The following STRN variants were observed in gnomAD, a reference collection of about 807,000 sequenced individuals.
STRN encodes protein phosphatase 2 regulatory subunit B'''alpha.
STRN carries 53 observed loss-of-function variants against 96.3 expected under a neutral mutation model. The ratio of observed to expected loss-of-function variants is 0.55; its 90% CI spans 0.44 to 0.69. STRN has a LOEUF of 0.69. STRN is among the 30% of genes least tolerant of loss of function. The probability of loss-of-function intolerance (pLI) is 0.00; values close to 1 mark genes in which losing one functional copy is unlikely to be tolerated. For missense variants in STRN, 987 were observed against 963.9 expected (o/e 1.02, Z -0.32); for synonymous variants, 428 against 355.9 (o/e 1.20, Z -2.28).
chr2:36,957,787 G>C (rs868416526), intron 1 of STRN, among the ~76,000 whole-genome samples: 5 of 95,368 alleles, frequency 5.2e-5, no homozygotes, highest in Middle Eastern at 0.014. Flanking sequence ...TGGAGTCTCT[G>C]TTGCCCAGGC....
chr2:36,861,829 T>C (rs996855762), intron 12 of STRN, among the ~76,000 whole-genome samples: 2 of 152,008 alleles, frequency 1.3e-5, no homozygotes, highest in Admixed American at 6.6e-5. Flanking sequence ...TATAGATAAA[T>C]TGCATGCCTT....
intron 10 of STRN, among the ~76,000 whole-genome samples, 195 bp downstream of exon 10, chr2:36,877,696 T>A (rs1668950266): frequency 6.6e-6 from 1 of 152,188 alleles, no homozygotes; most frequent in African/African-American, 2.4e-5. Flanking sequence ...CCGCCATGCC[T>A]GGCTAATTTT....
At position 36,957,746 on chromosome 2, in the gene STRN, T is replaced by TTG. The variant is rs1558669962; in HGVS notation, c.234+8483_234+8484insCA. ...AGTCTCATAGTTCTTCTTTTTGTCT[T>TTG]TTTTTTTTTTTTTTTTTTTTTTTTT... is the stretch of plus-strand genomic sequence containing the variant. On this transcript the variant is annotated intron_variant, in intron 1 of 17. Coordinates refer to ENST00000263918, the MANE Select transcript of STRN (RefSeq NM_003162.4). 7.1e-5 allele frequency among the ~76,000 whole-genome samples: 5 copies of TTG among 70,636 alleles called. No homozygotes were observed. The South Asian group carries it at 2.4e-3, about 34-fold the overall frequency. The allele number at this position is 70,636 out of a possible 152,430, so 46.3% of individuals were successfully genotyped here. A position where few individuals can be genotyped will look rare whatever the true frequency, so the allele number is the denominator to read the frequency against.
chr2:36,884,196 C>G, intron 8 of STRN, 121 bp from the exon 9 acceptor site: 1 of 842,298 alleles, frequency 1.2e-6, no homozygotes, highest in Non-Finnish European at 1.6e-6. Context: ...TAAAAATATT[C>G]TACTAGATTA....
At chr2:36,860,792 G>A (rs1195152420) in intron 13 of STRN, among the ~76,000 whole-genome samples, 1 of 152,080 alleles carries the variant, frequency 6.6e-6, no homozygotes, top group Non-Finnish European at 1.5e-5. Context: ...TGTTTGACAA[G>A]AATAATGATG....
At chr2:36,939,696 T>A (rs966391365) in intron 1 of STRN, among the ~76,000 whole-genome samples, 1 of 152,160 alleles carries the variant, frequency 6.6e-6, no homozygotes, top group Non-Finnish European at 1.5e-5. Context: ...ATCTAGTCTT[T>A]TTAAAGTTCA....
At position 36,848,314 on chromosome 2, in the gene STRN, T is replaced by C. The variant is rs532361570; in HGVS notation, c.*1142A>G. ...GGTTTCCAGGAGATTCTTACAGGGA[T>C]TAATAGAGGACTTCTAGGGTACAAA... On this transcript the variant is annotated 3_prime_UTR_variant, in exon 18 of 18. Coordinates refer to ENST00000263918, the MANE Select transcript of STRN (RefSeq NM_003162.4). 1.3e-5 allele frequency: 2 copies of C among 152,234 alleles called. No homozygotes were observed. Among genetic ancestry groups the C allele is most frequent in the Non-Finnish European group, 2.9e-5 (2 of 68,042 alleles). The allele number at this position is 152,234 out of a possible 1,614,324, so 9.4% of individuals were successfully genotyped here. A position where few individuals can be genotyped will look rare whatever the true frequency, so the allele number is the denominator to read the frequency against.
In STRN at chr2:36,902,725, T is replaced by C. The variant is rs373215619; in HGVS notation, c.518A>G (p.Asp173Gly). 61 of 1,610,544 alleles carry C rather than the reference T, an allele frequency of 3.8e-5. No individual in the cohort carries two copies. The highest frequency in any genetic ancestry group is 5.2e-5 in the Non-Finnish European group (61 of 1,177,714). Residue 173 changes from aspartate to glycine, a missense_variant, in exon 5 of 18, where the codon GAT (aspartate) becomes GGT (glycine). Coordinates refer to ENST00000263918, the MANE Select transcript of STRN (RefSeq NM_003162.4). ...TTTAGATTTCACATCTAGAATAGTA[T>C]CTGTATAACCCACCTCCTGTAGATA... ...RQYLQEVGYT[D>G]TILDVKSKRV... is the part of the protein sequence containing the mutation.
intron 1 of STRN, among the ~76,000 whole-genome samples, chr2:36,955,680 A>C (rs1449945614): frequency 6.6e-6 from 1 of 152,096 alleles, no homozygotes; most frequent in Non-Finnish European, 1.5e-5. Flanking sequence ...AATATCTACA[A>C]GCTATCACCA....
At chr2:36,948,871 G>C (rs971153850) in intron 1 of STRN, among the ~76,000 whole-genome samples, 1 of 152,134 alleles carries the variant, frequency 6.6e-6, no homozygotes, top group Non-Finnish European at 1.5e-5. Flanking sequence ...TCTACAAGGT[G>C]GTCGAAGGAC....
chr2:36,939,291 A>G (rs1255968938), intron 1 of STRN, among the ~76,000 whole-genome samples: 1 of 152,002 alleles, frequency 6.6e-6, no homozygotes, highest in Non-Finnish European at 1.5e-5. Context: ...CTTTTTCCGA[A>G]GCCACTCAGG....
At chr2:36,958,764 T>C (rs528384443) in intron 1 of STRN, among the ~76,000 whole-genome samples, 1 of 152,314 alleles carries the variant, frequency 6.6e-6, no homozygotes, top group South Asian at 2.1e-4. Flanking sequence ...CTGAGAAATC[T>C]GCAGAACTAA....
chr2:36,953,802 T>G (rs138721134), intron 1 of STRN, among the ~76,000 whole-genome samples: 1 of 152,194 alleles, frequency 6.6e-6, no homozygotes, highest in Non-Finnish European at 1.5e-5. Context: ...TAACATATTA[T>G]TCTGTTCTAA....
At chr2:36,926,444 A>G (rs972888820) in intron 1 of STRN, among the ~76,000 whole-genome samples, 4 of 152,202 alleles carry the variant, frequency 2.6e-5, no homozygotes, top group African/African-American at 9.6e-5. Flanking sequence ...TTATGTATCT[A>G]CAGTGCTTTC....
chr2:36,909,677 AG>A (rs1669915061), intron 3 of STRN, among the ~76,000 whole-genome samples: 1 of 152,206 alleles, frequency 6.6e-6, no homozygotes, highest in African/African-American at 2.4e-5. Context: ...CATAGATCCA[AG>A]GAACTCAATA....
At chr2:36,915,425 T>G (rs1172953135) in intron 3 of STRN, among the ~76,000 whole-genome samples, 1 of 151,558 alleles carries the variant, frequency 6.6e-6, no homozygotes. Context: ...TTTGTCATTC[T>G]TCCCTAATAC....
In STRN at chr2:36,902,735, C is replaced by T. The variant is rs1669720641; in HGVS notation, c.508G>A (p.Gly170Ser). The change falls in exon 5 of 18, where the codon GGT (glycine) becomes AGT (serine). Residue 170 changes from glycine (G) to serine (S), a missense_variant. Gly to Ser is a moderately conservative substitution (Grantham distance 56). Transcript: ENST00000263918. ...QLLRQYLQEVGYTDTILDVKS... is the reference protein window; with the variant it reads ...QLLRQYLQEVSYTDTILDVKS... The stretch of plus-strand genomic sequence containing the variant: ...ACATCTAGAATAGTATCTGTATAAC[C>T]CACCTCCTGTAGATACCTGTGTGAA... The T allele has an allele frequency of 6.2e-7, 1 of 1,607,930 alleles. No individual in the cohort carries two copies. The highest frequency in any genetic ancestry group is 1.1e-5 in the South Asian group (1 of 90,214).
At chr2:36,931,398 T>A (rs561567366) in intron 1 of STRN, among the ~76,000 whole-genome samples, 1 of 152,222 alleles carries the variant, frequency 6.6e-6, no homozygotes, top group Non-Finnish European at 1.5e-5. Context: ...CTACCCACAA[T>A]GTACTTCCAA....
In STRN at chr2:36,843,085, A is replaced by G. The variant is rs1667988039; in HGVS notation, c.*6371T>C. On this transcript the variant is annotated 3_prime_UTR_variant, in exon 18 of 18. Coordinates refer to ENST00000263918, the MANE Select transcript of STRN (RefSeq NM_003162.4). ...TTTGGAGTTTTAATGACCTCCTGAGATAGATCTCCAAAATTACTCAAGCTA... is the reference window on the plus strand; with the variant it reads ...TTTGGAGTTTTAATGACCTCCTGAGGTAGATCTCCAAAATTACTCAAGCTA... 6.6e-6 allele frequency among the ~76,000 whole-genome samples: 1 copy of G among 152,154 alleles called. No individual in the cohort carries two copies. The highest frequency in any genetic ancestry group is 2.4e-5 in the African/African-American group (1 of 41,434).
Sources: allele counts gnomAD v4.1 joint callset (sites outside exome capture counted in the v4.1 genomes callset), GRCh38; gene constraint gnomAD v4.1.1; transcripts MANE v1.5; gene names NCBI Gene and HGNC (gene_info 2026-07-23, HGNC 2026-07-21).